The following PCDH15 variants were observed in gnomAD, a reference collection of about 807,000 sequenced individuals.
The protein encoded by PCDH15 is protocadherin related 15.
In PCDH15, 129 loss-of-function variants were observed where a neutral mutation model predicts 178.5. That is an observed-to-expected ratio of 0.72 (90% confidence interval 0.63 to 0.84). The LOEUF (loss-of-function observed/expected upper bound fraction) is 0.84, where lower values mean the gene tolerates loss of function less well. Among genes scored for constraint, PCDH15 ranks in the 40% least tolerant of loss-of-function variants. The pLI is 0.00. For synonymous variants in PCDH15, 800 were observed against 732.0 expected, an observed-to-expected ratio of 1.09 and a Z score of -1.50; for missense variants, 2,230 against 2,099.9, an observed-to-expected ratio of 1.06 and a Z score of -1.21.
At chr10:55,362,729 C>A (rs182800711) in intron 2 of PCDH15, among the ~76,000 whole-genome samples, 17 of 151,698 alleles carry the variant, frequency 1.1e-4, no homozygotes, top group African/African-American at 3.9e-4. Flanking sequence ...GTGATTACCA[C>A]CACAGTCAAG....
intron 1 of PCDH15, among the ~76,000 whole-genome samples, chr10:54,758,236 G>T (rs550783628): frequency 6.6e-6 from 1 of 152,078 alleles, no homozygotes; most frequent in Non-Finnish European, 1.5e-5. Context: ...TTATTTGATT[G>T]TGATGTGAAA....
intron 2 of PCDH15, among the ~76,000 whole-genome samples, chr10:55,395,212 A>T (rs879803095): frequency 0.026 from 3,845 of 147,892 alleles, 63 homozygotes; most frequent in East Asian, 0.06. Context: ...AGAGAGAGAG[A>T]GAGAGAGAGA....
chr10:54,835,717 A>T (rs1207226642), intron 3 of PCDH15, among the ~76,000 whole-genome samples: 1 of 152,184 alleles, frequency 6.6e-6, no homozygotes, highest in Non-Finnish European at 1.5e-5. Flanking sequence ...ATATTACAGC[A>T]TTCAGAGGAA....
intron 3 of PCDH15, among the ~76,000 whole-genome samples, chr10:54,404,081 C>A (rs949582564): frequency 6.6e-6 from 1 of 151,810 alleles, no homozygotes; most frequent in Non-Finnish European, 1.5e-5. Flanking sequence ...TATTAAACTA[C>A]CAATGACATT....
intron 2 of PCDH15, among the ~76,000 whole-genome samples, chr10:54,582,161 GA>G (rs1158838218): frequency 3.3e-5 from 5 of 152,028 alleles, no homozygotes; most frequent in African/African-American, 1.2e-4. Flanking sequence ...CAGAATGGGA[GA>G]AAATATTTGT....
chr10:54,396,114 G>A lies in PCDH15; in HGVS notation c.158-17172C>T, dbSNP rs116624600. 4.9e-3 allele frequency among the ~76,000 whole-genome samples: 741 copies of A among 152,230 alleles called. 8 individuals carry two copies. Among genetic ancestry groups the A allele is most frequent in the African/African-American group, 0.017 (688 of 41,554 alleles). On this transcript the variant is annotated intron_variant, in intron 3 of 37. Coordinates refer to ENST00000644397, the MANE Select transcript of PCDH15 (RefSeq NM_001384140.1). ...ATATCCCCCTTCCCCTCTAAACCGG[G>A]GAGGACAAATGTTATCCACTGAAGA...
At chr10:54,773,709 T>C (rs1216605166) in intron 1 of PCDH15, among the ~76,000 whole-genome samples, 1 of 152,216 alleles carries the variant, frequency 6.6e-6, no homozygotes, top group African/African-American at 2.4e-5. Flanking sequence ...GTCAATAACC[T>C]GCCCTTTTCA....
intron 2 of PCDH15, among the ~76,000 whole-genome samples, chr10:54,635,152 A>T (rs2093813735): frequency 9.5e-6 from 1 of 105,316 alleles, no homozygotes; most frequent in African/African-American, 3.0e-5. Context: ...AATGTATACA[A>T]ATAGTCTCCT....
At chr10:54,098,245 T>C (rs990073611) in intron 15 of PCDH15, among the ~76,000 whole-genome samples, 1 of 151,386 alleles carries the variant, frequency 6.6e-6, no homozygotes, top group Non-Finnish European at 1.5e-5. Context: ...CTATTCTACA[T>C]TTTCAGAATA....
chr10:54,555,642 C>G (rs1039341020), intron 2 of PCDH15, among the ~76,000 whole-genome samples: 10 of 146,762 alleles, frequency 6.8e-5, no homozygotes, highest in African/African-American at 2.5e-4. Flanking sequence ...GAGGCTGAGG[C>G]AGGAGAATAG....
chr10:55,625,365 A>T (rs1299294304), intron 2 of PCDH15, among the ~76,000 whole-genome samples: 1 of 152,216 alleles, frequency 6.6e-6, no homozygotes, highest in Non-Finnish European at 1.5e-5. Context: ...AAGTTTTTAG[A>T]TTAACATGCA....
At chr10:54,075,009 T>C (rs1730218056) in intron 17 of PCDH15, among the ~76,000 whole-genome samples, 1 of 152,228 alleles carries the variant, frequency 6.6e-6, no homozygotes, top group Non-Finnish European at 1.5e-5. Flanking sequence ...TGGTCATTTA[T>C]ATATCTCCTT....
chr10:55,451,771 A>C (rs1294375194), intron 2 of PCDH15, among the ~76,000 whole-genome samples: 1 of 152,164 alleles, frequency 6.6e-6, no homozygotes, highest in Non-Finnish European at 1.5e-5. Flanking sequence ...TTAAGTGAAA[A>C]GCCAAATACA....
intron 2 of PCDH15, among the ~76,000 whole-genome samples, chr10:54,542,536 CA>C (rs2085360261): frequency 6.6e-6 from 1 of 152,116 alleles, no homozygotes; most frequent in Non-Finnish European, 1.5e-5. Flanking sequence ...AAGCATAAAG[CA>C]AATATTTCCT....
At chr10:53,908,493 C>T (rs1380175445) in intron 25 of PCDH15, among the ~76,000 whole-genome samples, 2 of 152,106 alleles carry the variant, frequency 1.3e-5, no homozygotes, top group Non-Finnish European at 2.9e-5. Context: ...TGACTGTGTC[C>T]TATAAAGTCA....
intron 3 of PCDH15, among the ~76,000 whole-genome samples, chr10:54,879,327 C>T (rs1954217124): frequency 6.6e-6 from 1 of 151,946 alleles, no homozygotes. Context: ...TATGTATGCT[C>T]TAGGCATTTT....
At position 54,890,510 on chromosome 10, in the gene PCDH15, G is replaced by T. The variant is rs1211772121; in HGVS notation, c.-29+6940C>A. 2.0e-5 allele frequency among the ~76,000 whole-genome samples: 3 copies of T among 152,036 alleles called. No homozygotes were observed. In the East Asian group the frequency reaches 5.8e-4, roughly 29 times the overall value. ...TTAACACATACTATGTGAGATTTTT[G>T]CTGGTTATTATGAGAATGGGGAAAA... On this transcript the variant is annotated intron_variant, in intron 3 of 5. Coordinates refer to the PCDH15 transcript ENST00000458638.
At chr10:54,916,304 C>T (rs559784429) in intron 2 of PCDH15, among the ~76,000 whole-genome samples, 1 of 152,266 alleles carries the variant, frequency 6.6e-6, no homozygotes, top group South Asian at 2.1e-4. Context: ...GTTGTCTCCC[C>T]AAGGTGCATA....
At chr10:53,926,472 C>T (rs1358177226) in intron 25 of PCDH15, among the ~76,000 whole-genome samples, 1 of 152,110 alleles carries the variant, frequency 6.6e-6, no homozygotes, top group African/African-American at 2.4e-5. Context: ...GTAATTATCA[C>T]CAGGTAGTTC....
Sources: gnomAD v4.1 joint callset for allele counts (sites outside exome capture counted in the v4.1 genomes callset) on GRCh38, gnomAD v4.1.1 for gene constraint, MANE v1.5 for transcripts, NCBI Gene and HGNC (gene_info 2026-07-23, HGNC 2026-07-21) for gene names.